Variants in TEP1 observed in about 807,000 individuals in gnomAD.
TEP1 encodes the protein telomerase protein component 1.
A neutral mutation model predicts 306.3 loss-of-function variants in TEP1; 241 were observed. The ratio of observed to expected loss-of-function variants is 0.79; its 90% confidence interval spans 0.71 to 0.88. The LOEUF is 0.88. Among genes scored for constraint, TEP1 ranks in the 40% least tolerant of loss-of-function variants. The pLI is 0.00. For synonymous variants in TEP1, 1,289 were observed against 1,305.5 expected, an observed-to-expected ratio of 0.99 and a Z score of 0.27; for missense variants, 3,051 against 3,276.1, an observed-to-expected ratio of 0.93 and a Z score of 1.68.
chr14:20,371,702 C>T, intron 49 of TEP1, 70 bp from the exon 50 acceptor site: 2 of 1,478,550 alleles, frequency 1.4e-6, no homozygotes, highest in Middle Eastern at 3.7e-4. Flanking sequence ...TCCTCAATCC[C>T]ACATGAATTC....
At chr14:20,374,090 C>CTTT (rs199996170) in intron 44 of TEP1, among the ~76,000 whole-genome samples, 1 of 142,220 alleles carries the variant, frequency 7.0e-6, no homozygotes. Context: ...TTCTTTTTCT[C>CTTT]TTTTTTTTTT....
At chr14:20,385,185 G>T in intron 20 of TEP1, 76 bp from the exon 21 acceptor site, 1 of 1,577,432 alleles carries the variant, frequency 6.3e-7, no homozygotes, top group Admixed American at 1.7e-5. Flanking sequence ...AAGGCCCCAG[G>T]ACTCCTGTAT....
chr14:20,395,079 T>C (rs1475230979), intron 12 of TEP1, among the ~76,000 whole-genome samples: 1 of 150,912 alleles, frequency 6.6e-6, no homozygotes, highest in Non-Finnish European at 1.5e-5. Context: ...TACAGAAAGA[T>C]AGAAACAAAA....
At chr14:20,410,926 A>G (rs1200079709) in intron 1 of TEP1, among the ~76,000 whole-genome samples, 1 of 150,694 alleles carries the variant, frequency 6.6e-6, no homozygotes, top group African/African-American at 2.4e-5. Context: ...GGTTCAAGTA[A>G]TTCTCCTGCC....
intron 12 of TEP1, among the ~76,000 whole-genome samples, chr14:20,393,176 C>CA (rs1156684355): frequency 6.6e-6 from 1 of 150,612 alleles, no homozygotes; most frequent in African/African-American, 2.4e-5. Context: ...GAGATTGTGC[C>CA]ACTGCACTCC....
chr14:20,380,297 T>C lies in TEP1; in HGVS notation c.4941A>G (p.Arg1647=). ...LCHQASLLSR[R]WHLQHTLRWL... Reference sequence around the variant, plus strand: ...ATCGTAGTGTGTGTTGGAGGTGCCATCTCCGGGAGAGCAGCGAGGCTTGGT... The same window carrying C: ...ATCGTAGTGTGTGTTGGAGGTGCCACCTCCGGGAGAGCAGCGAGGCTTGGT... Residue 1647 remains arginine, a synonymous_variant, in exon 34 of 55, where the codon AGA becomes AGG. Coordinates refer to ENST00000262715, the MANE Select transcript of TEP1 (RefSeq NM_007110.5). 6.2e-7 allele frequency: 1 copy of C among 1,614,124 alleles called. No homozygotes were observed. Among genetic ancestry groups the C allele is most frequent in the Non-Finnish European group, 8.5e-7 (1 of 1,180,026 alleles).
At position 20,381,603 on chromosome 14, in the gene TEP1, C is replaced by T. The variant is rs767504797; in HGVS notation, c.4508G>A (p.Cys1503Tyr). 1.2e-6 allele frequency: 2 copies of T among 1,613,970 alleles called. No individual in the cohort carries two copies. The highest frequency in any genetic ancestry group is 1.1e-5 in the South Asian group (1 of 91,080). Reference sequence around the variant, plus strand: ...CTCTAGCCCTGGCCTCTTCCCATAGCAACGTTTAGCTGCTGTTCTCAGGGG... The same window carrying T: ...CTCTAGCCCTGGCCTCTTCCCATAGTAACGTTTAGCTGCTGTTCTCAGGGG... ...DGPLRTAAKR[C>Y]YGKRPGLEDT... The change falls in exon 31 of 55, where the codon TGC becomes TAC. Residue 1503 changes from cysteine to tyrosine, a missense_variant. Physicochemically the swap from Cys to Tyr is radical, Grantham distance 194 (BLOSUM62 -2). Transcript: ENST00000262715. The surrounding 1 kb of genome is among the most constrained non-coding windows in gnomAD (Gnocchi z 4.0).
Position 20,403,857 on chromosome 14 carries a change from G to C in TEP1, c.1060C>G (p.Leu354Val). The C allele has an allele frequency of 6.2e-7, 1 of 1,614,134 alleles. No individual in the cohort carries two copies. The highest frequency in any genetic ancestry group is 8.5e-7 in the Non-Finnish European group (1 of 1,180,014). Reference protein sequence around the residue: ...QSLAEGDKNKLVPLPACLRTA... With the variant: ...QSLAEGDKNKVVPLPACLRTA... Reference sequence around the variant, plus strand: ...CGGAGACAGGCGGGCAGGGGCACCAGCTTATTCTTATCTCCCTCAGCCAGG... The same window carrying C: ...CGGAGACAGGCGGGCAGGGGCACCACCTTATTCTTATCTCCCTCAGCCAGG... The change falls in exon 6 of 55, where the codon CTG (leucine) becomes GTG (valine). Residue 354 changes from leucine to valine, a missense_variant. Coordinates refer to ENST00000262715, the MANE Select transcript of TEP1 (RefSeq NM_007110.5).
intron 1 of TEP1, among the ~76,000 whole-genome samples, chr14:20,411,625 GTCAGCGGGAT>G (rs1879684770): frequency 1.3e-5 from 2 of 152,020 alleles, no homozygotes; most frequent in Non-Finnish European, 2.9e-5. Context: ...ACAATTGCTG[GTCAGCGGGAT>G]TCAGAGGCTT....
intron 27 of TEP1, 111 bp downstream of exon 27, chr14:20,383,063 A>T: frequency 8.0e-7 from 1 of 1,247,230 alleles, no homozygotes; most frequent in Non-Finnish European, 1.1e-6. Flanking sequence ...AGAATTTCTG[A>T]GAAAACAAAG....
rs1876531512 is a variant in TEP1 at position 20,381,567 on chromosome 14, T to A, written c.4544A>T (p.His1515Leu). ...GCTGCAATCACCTGCAATGAGGATGTGTGCCGTGTCCTCTAGCCCTGGCCT... is the reference window on the plus strand; with the variant it reads ...GCTGCAATCACCTGCAATGAGGATGAGTGCCGTGTCCTCTAGCCCTGGCCT... ...GKRPGLEDTA[H>L]ILIAAQLWKT... Residue 1515 changes from histidine to leucine, a missense_variant, in exon 31 of 55, where the codon CAC becomes CTC. Transcript: ENST00000262715. This position sits in a 1 kb window ranked among gnomAD's most constrained non-coding sequence, Gnocchi z 4.0. 6.8e-6 allele frequency: 11 copies of A among 1,613,766 alleles called. No individual in the cohort carries two copies. In the East Asian group the frequency reaches 2.5e-4, roughly 36 times the overall value.
At chr14:20,404,972 T>A (rs943160659) in intron 4 of TEP1, among the ~76,000 whole-genome samples, 200 bp from the exon 5 acceptor site, 2 of 152,192 alleles carry the variant, frequency 1.3e-5, no homozygotes, top group African/African-American at 4.8e-5. Context: ...TTCCAGCATG[T>A]CTTCTTCTGA....
intron 12 of TEP1, among the ~76,000 whole-genome samples, chr14:20,395,109 A>T (rs756821941): frequency 2.2e-4 from 33 of 152,262 alleles, no homozygotes; most frequent in Non-Finnish European, 4.3e-4. Context: ...AACATGTCAC[A>T]GAAAAGAAAA....
chr14:20,389,563 T>C, intron 16 of TEP1, 47 bp downstream of exon 16: 9 of 1,606,580 alleles, frequency 5.6e-6, no homozygotes, highest in Admixed American at 1.7e-5. Flanking sequence ...AGAGGAAATG[T>C]AGACCACTGA....
intron 7 of TEP1, 52 bp downstream of exon 7, chr14:20,403,325 G>C: frequency 1.3e-6 from 2 of 1,599,360 alleles, no homozygotes; most frequent in Non-Finnish European, 1.7e-6. Flanking sequence ...GTAAATATTA[G>C]TCCAGAAGAG....
At chr14:20,386,688 G>A in intron 18 of TEP1, 65 bp from the exon 19 acceptor site, 1 of 1,477,364 alleles carries the variant, frequency 6.8e-7, no homozygotes, top group Non-Finnish European at 9.0e-7. Flanking sequence ...CATAGACACT[G>A]CTGTGATCAC....
intron 13 of TEP1, 49 bp from the exon 14 acceptor site, chr14:20,391,145 C>T: frequency 2.5e-6 from 4 of 1,593,750 alleles, no homozygotes; most frequent in Non-Finnish European, 3.4e-6. Flanking sequence ...CTTTGGAATT[C>T]ACCCTTGCCC....
chr14:20,397,584 TA>T (rs1878309057), intron 9 of TEP1, among the ~76,000 whole-genome samples: 1 of 152,234 alleles, frequency 6.6e-6, no homozygotes, highest in Non-Finnish European at 1.5e-5. Context: ...ATAGTCTTCA[TA>T]ATTTGTAAGC....
At position 20,366,521 on chromosome 14, in the gene TEP1, A is replaced by T. The variant is rs115792343; in HGVS notation, c.*1916T>A. ...TATTTCGAGGCTTGGCATGAGGCAC[A>T]TAAGAGAAGACAGAAGCATGGCCTA... On this transcript the variant is annotated 3_prime_UTR_variant, in exon 55 of 55. Coordinates refer to ENST00000262715, the MANE Select transcript of TEP1 (RefSeq NM_007110.5). The T allele has an allele frequency of 6.6e-6, 1 of 152,226 alleles. No individual in the cohort carries two copies. Among genetic ancestry groups the T allele is most frequent in the Admixed American group, 6.5e-5 (1 of 15,282 alleles). The allele number at this position is 152,226 out of a possible 1,614,324, so 9.4% of individuals were successfully genotyped here. A position where few individuals can be genotyped will look rare whatever the true frequency, so the allele number is the denominator to read the frequency against.
Sources: gnomAD v4.1 joint callset for allele counts (sites outside exome capture counted in the v4.1 genomes callset) on GRCh38, gnomAD v4.1.1 for gene constraint, Gnocchi (gnomAD v3.1) non-coding constraint, MANE v1.5 for transcripts, NCBI Gene and HGNC (gene_info 2026-07-23, HGNC 2026-07-21) for gene names.